Variants in PSD3 observed in about 807,000 individuals in gnomAD.
PSD3 encodes the protein PH and SEC7 domain-containing protein 3.
PSD3 carries 49 observed loss-of-function variants against 105.5 expected under a neutral mutation model. That is an observed-to-expected ratio of 0.46 (90% CI 0.37 to 0.59). The LOEUF is 0.59. Among genes scored for constraint, PSD3 ranks in the 20% least tolerant of loss-of-function variants. The pLI is 0.00. For missense variants in PSD3, 1,561 were observed against 1,263.8 expected (o/e 1.24, Z -3.57); for synonymous variants, 557 against 457.8 (o/e 1.22, Z -2.77).
chr8:18,629,994 C>T (rs183845377), intron 11 of PSD3, among the ~76,000 whole-genome samples: 6 of 151,938 alleles, frequency 3.9e-5, no homozygotes, highest in African/African-American at 7.2e-5. Flanking sequence ...GAAACTTCCA[C>T]GCTCCTCCTG....
Position 18,529,190 on chromosome 8 carries a change from T to C in PSD3, c.*6553A>G, listed in dbSNP as rs542448216. ...CTGCTTGTGAATTACAAGAAAGCCT[T>C]CAATTTGGTGGTCCACAAGAAAGAA... On this transcript the variant is annotated 3_prime_UTR_variant, in exon 16 of 16. Transcript: ENST00000327040. 1 of 152,286 alleles carries C rather than the reference T, an allele frequency of 6.6e-6. No individual in the cohort carries two copies. Among genetic ancestry groups the C allele is most frequent in the African/African-American group, 2.4e-5 (1 of 41,552 alleles). 9.4% of individuals were successfully genotyped at this position (152,286 alleles called of 1,614,324 possible).
intron 1 of PSD3, among the ~76,000 whole-genome samples, chr8:19,056,570 G>T (rs762705748): frequency 2.0e-5 from 3 of 152,196 alleles, no homozygotes; most frequent in Non-Finnish European, 2.9e-5. Flanking sequence ...AATTTCAACA[G>T]GCAGCAAACA....
chr8:18,828,561 G>A (rs1440874415), intron 4 of PSD3, among the ~76,000 whole-genome samples: 1 of 152,154 alleles, frequency 6.6e-6, no homozygotes, highest in Non-Finnish European at 1.5e-5. Flanking sequence ...AGCACCCTGG[G>A]AGGCCAAGGC....
chr8:19,083,581 G>C (rs575541363), intron 1 of PSD3, among the ~76,000 whole-genome samples: 150 of 152,300 alleles, frequency 9.8e-4, no homozygotes, highest in African/African-American at 3.5e-3. Flanking sequence ...AGGTACATGA[G>C]AGCCCTAGAA....
chr8:18,745,869 C>T (rs1369443456), intron 9 of PSD3, among the ~76,000 whole-genome samples: 1 of 152,210 alleles, frequency 6.6e-6, no homozygotes, highest in African/African-American at 2.4e-5. Context: ...TTCATAATTT[C>T]TTTCTCCCAT....
chr8:18,637,658 AGTTT>A (rs1225907178), intron 10 of PSD3, among the ~76,000 whole-genome samples: 4 of 152,268 alleles, frequency 2.6e-5, no homozygotes, highest in African/African-American at 4.8e-5. Flanking sequence ...TGGTCGTGCC[AGTTT>A]GTTTATCTAT....
intron 4 of PSD3, chr8:18,865,278 ATATATATATTTTTTTTTTTTT>A (rs1816834860): frequency 8.3e-4 from 2 of 2,402 alleles, no homozygotes; most frequent in African/African-American, 3.3e-3. Flanking sequence ...ATATATATAT[ATATATATATTTTTTTTTTTTT>A]TTTTTTTTTT....
intron 12 of PSD3, among the ~76,000 whole-genome samples, chr8:18,599,404 C>T (rs1001074748): frequency 1.3e-5 from 2 of 152,128 alleles, no homozygotes; most frequent in African/African-American, 4.8e-5. Context: ...TATTTATCCA[C>T]AAGAAATGAA....
intron 10 of PSD3, among the ~76,000 whole-genome samples, chr8:18,642,503 T>A (rs1414695145): frequency 6.6e-6 from 1 of 152,184 alleles, no homozygotes; most frequent in South Asian, 2.1e-4. Flanking sequence ...GCAATTGATA[T>A]AGAGGATATA....
chr8:19,049,267 G>A (rs765949895), intron 1 of PSD3, among the ~76,000 whole-genome samples: 3 of 152,068 alleles, frequency 2.0e-5, no homozygotes, highest in Non-Finnish European at 2.9e-5. Flanking sequence ...AAGGTGGAGC[G>A]GAGAGACTAT....
At chr8:18,767,728 CAA>C (rs1398151547) in intron 8 of PSD3, among the ~76,000 whole-genome samples, 1 of 151,880 alleles carries the variant, frequency 6.6e-6, no homozygotes, top group African/African-American at 2.4e-5. Flanking sequence ...GCCTGGGAAA[CAA>C]GAGCAAGACT....
chr8:18,971,843 A>G (rs1415798280), intron 1 of PSD3, among the ~76,000 whole-genome samples: 1 of 152,084 alleles, frequency 6.6e-6, no homozygotes, highest in Middle Eastern at 3.2e-3. Flanking sequence ...CGCCTCTACT[A>G]AAAATATAAA....
intron 1 of PSD3, among the ~76,000 whole-genome samples, chr8:19,024,808 C>T (rs1026007021): frequency 2.0e-5 from 3 of 151,996 alleles, no homozygotes; most frequent in Admixed American, 1.3e-4. Context: ...GAGTGGTGTG[C>T]CCAGAGAGGG....
At chr8:18,552,853 T>A (rs546245860) in intron 15 of PSD3, among the ~76,000 whole-genome samples, 80 of 152,288 alleles carry the variant, frequency 5.3e-4, no homozygotes, top group African/African-American at 1.9e-3. Flanking sequence ...GTTAAGTCAA[T>A]GAAGAGAGCC....
intron 1 of PSD3, among the ~76,000 whole-genome samples, chr8:18,962,558 C>T (rs1470571776): frequency 6.6e-6 from 1 of 151,988 alleles, no homozygotes; most frequent in African/African-American, 2.4e-5. Flanking sequence ...CCTTTTTTTA[C>T]AAAGTAAAAA....
intron 4 of PSD3, among the ~76,000 whole-genome samples, chr8:18,829,547 C>A (rs1813511527): frequency 6.6e-6 from 1 of 152,136 alleles, no homozygotes; most frequent in South Asian, 2.1e-4. Flanking sequence ...CCTCATTTCC[C>A]ACTAAATTTT....
At chr8:18,653,271 TACG>T (rs1808650875) in intron 10 of PSD3, among the ~76,000 whole-genome samples, 1 of 152,044 alleles carries the variant, frequency 6.6e-6, no homozygotes, top group African/African-American at 2.4e-5. Flanking sequence ...ATAGAAATTA[TACG>T]ATAACCACTA....
At chr8:18,579,843 C>A (rs2717718) in intron 12 of PSD3, among the ~76,000 whole-genome samples, 9 of 152,014 alleles carry the variant, frequency 5.9e-5, no homozygotes, top group Middle Eastern at 3.4e-3. Flanking sequence ...TACTTCATGC[C>A]TCATTAAATA....
chr8:18,931,014 T>A (rs1821714965), intron 2 of PSD3, among the ~76,000 whole-genome samples: 1 of 152,170 alleles, frequency 6.6e-6, no homozygotes, highest in Non-Finnish European at 1.5e-5. Context: ...CTCATTGTGG[T>A]TTTCATTTCC....
Sources: allele counts gnomAD v4.1 joint callset (sites outside exome capture counted in the v4.1 genomes callset), GRCh38; gene constraint gnomAD v4.1.1; transcripts MANE v1.5; gene names NCBI Gene and HGNC (gene_info 2026-07-23, HGNC 2026-07-21).